Variants in CASTOR2 observed in about 807,000 individuals in gnomAD.
CASTOR2 encodes the protein GATS protein like 2.
CASTOR2 carries 8 observed loss-of-function variants against 31.2 expected under a neutral mutation model. That is an observed-to-expected ratio of 0.26 (90% CI 0.15 to 0.46). The LOEUF (loss-of-function observed/expected upper bound fraction) is 0.46, where lower values mean the gene tolerates loss of function less well. Among genes scored for constraint, CASTOR2 ranks in the 20% least tolerant of loss-of-function variants. The pLI is 0.99. For missense variants in CASTOR2, 216 were observed against 382.1 expected (o/e 0.57, Z 3.62); for synonymous variants, 162 against 158.7 (o/e 1.02, Z -0.16).
chr7:75,006,065 G>C (rs1215940229), intron 1 of CASTOR2, among the ~76,000 whole-genome samples: 4 of 152,230 alleles, frequency 2.6e-5, no homozygotes, highest in Non-Finnish European at 5.9e-5. Context: ...GGGAGGCGGA[G>C]GTTGCAGTGA....
At chr7:74,979,671 G>A (rs1216345113) in intron 1 of CASTOR2, among the ~76,000 whole-genome samples, 4 of 24,344 alleles carry the variant, frequency 1.6e-4, no homozygotes, top group Non-Finnish European at 3.0e-4. Context: ...GAGATCATAC[G>A]CGTGAGCCGC....
At chr7:74,985,184 G>T (rs1484639950) in intron 1 of CASTOR2, among the ~76,000 whole-genome samples, 1 of 151,964 alleles carries the variant, frequency 6.6e-6, no homozygotes, top group Non-Finnish European at 1.5e-5. Flanking sequence ...CTCTATGCAG[G>T]GTGGGCCAGT....
chr7:74,983,775 C>T (rs1320181193), intron 1 of CASTOR2, among the ~76,000 whole-genome samples: 4 of 150,076 alleles, frequency 2.7e-5, no homozygotes, highest in Non-Finnish European at 5.9e-5. Flanking sequence ...TATTCCCAGG[C>T]AGGTCACCCT....
chr7:75,003,042 C>T (rs1481621005), intron 1 of CASTOR2, among the ~76,000 whole-genome samples: 18 of 152,060 alleles, frequency 1.2e-4, no homozygotes, highest in African/African-American at 3.6e-4. Context: ...GCCAACTGCC[C>T]GGCAATAGGG....
chr7:75,004,229 C>T (rs1804560327), intron 1 of CASTOR2, among the ~76,000 whole-genome samples: 1 of 152,142 alleles, frequency 6.6e-6, no homozygotes, highest in South Asian at 2.1e-4. Context: ...CAGTGATTGC[C>T]ACTTACTGTG....
intron 1 of CASTOR2, among the ~76,000 whole-genome samples, chr7:74,979,244 A>G (rs1313883710): frequency 6.9e-6 from 1 of 144,908 alleles, no homozygotes; most frequent in Non-Finnish European, 1.5e-5. Flanking sequence ...TGTTTGTTAC[A>G]TGGATATATG....
At chr7:75,010,115 G>A (rs1269887242) in intron 2 of CASTOR2, among the ~76,000 whole-genome samples, 1 of 151,990 alleles carries the variant, frequency 6.6e-6, no homozygotes, top group Non-Finnish European at 1.5e-5. Context: ...TGGGTTAGAA[G>A]CAGCATGGGG....
intron 2 of CASTOR2, among the ~76,000 whole-genome samples, chr7:75,012,335 G>A (rs1488258772): frequency 3.4e-4 from 52 of 152,122 alleles, no homozygotes; most frequent in Non-Finnish European, 2.2e-4. Flanking sequence ...AGGTAGTCTC[G>A]CTCTGTCCCC....
chr7:75,008,174 C>G (rs1262456839), intron 2 of CASTOR2, 110 bp downstream of exon 2: 1 of 1,352,896 alleles, frequency 7.4e-7, no homozygotes, highest in Non-Finnish European at 1.1e-6. Flanking sequence ...CTGCCCCCAC[C>G]TACCTCCTTA....
intron 6 of CASTOR2, 102 bp downstream of exon 6, chr7:75,020,251 GT>G (rs1162825733): frequency 1.8e-4 from 208 of 1,150,176 alleles, no homozygotes; most frequent in South Asian, 2.7e-4. Flanking sequence ...ATTTGTTGTT[GT>G]TTTTTTTTGA....
rs1405457322 is a variant in CASTOR2 at position 75,027,695 on chromosome 7, G to A, written c.*2996G>A. On this transcript the variant is annotated 3_prime_UTR_variant, in exon 9 of 9. Transcript: ENST00000616305. Reference sequence around the variant, plus strand: ...GTCCCTGTTCAAGCCCGCTCCGTGGGAGCTGCCCCCTGGGGACCCTGCTCC... The same window carrying A: ...GTCCCTGTTCAAGCCCGCTCCGTGGAAGCTGCCCCCTGGGGACCCTGCTCC... 2.7e-6 allele frequency: 1 copy of A among 372,694 alleles called. No homozygotes were observed. Among genetic ancestry groups the A allele is most frequent in the African/African-American group, 2.2e-5 (1 of 46,454 alleles). The allele number at this position is 372,694 out of a possible 1,614,324, so 23.1% of individuals were successfully genotyped here. A position where few individuals can be genotyped will look rare whatever the true frequency, so the allele number is the denominator to read the frequency against.
At chr7:74,997,109 G>A (rs1188895843) in intron 1 of CASTOR2, among the ~76,000 whole-genome samples, 6 of 151,480 alleles carry the variant, frequency 4.0e-5, no homozygotes, top group Non-Finnish European at 7.4e-5. Flanking sequence ...GGAGTGCAGT[G>A]GTGCAATCAT....
In CASTOR2 at chr7:75,026,935, C is replaced by A. The variant is rs1461304666; in HGVS notation, c.*2236C>A. ...TCCTAGGACGTATCTATTGTACACA[C>A]CTATAAATACCTGTGTTTTATGTTG... On this transcript the variant is annotated 3_prime_UTR_variant, in exon 9 of 9. Coordinates refer to ENST00000616305, the MANE Select transcript of CASTOR2 (RefSeq NM_001145064.3). Among the ~76,000 whole-genome samples the A allele has an allele frequency of 6.6e-6, 1 of 152,146 alleles. No homozygotes were observed. Among genetic ancestry groups the A allele is most frequent in the Non-Finnish European group, 1.5e-5 (1 of 68,030 alleles).
intron 2 of CASTOR2, among the ~76,000 whole-genome samples, chr7:75,017,177 G>A (rs1451857961): frequency 2.1e-3 from 321 of 150,952 alleles, no homozygotes; most frequent in African/African-American, 7.4e-3. Flanking sequence ...GGCTGGGTGC[G>A]GTGGCTCACG....
At chr7:75,017,544 TG>T in intron 2 of CASTOR2, 53 bp from the exon 3 acceptor site, 1 of 1,594,546 alleles carries the variant, frequency 6.3e-7, no homozygotes, top group Non-Finnish European at 8.5e-7. Context: ...GCCCTGCCCT[TG>T]GGTCATCTGG....
rs1011467830 is a variant in CASTOR2 at position 75,022,082 on chromosome 7, G to A, written c.829+126G>A. 3.4e-6 allele frequency: 4 copies of A among 1,166,512 alleles called. No individual in the cohort carries two copies. In the African/African-American group the frequency reaches 4.6e-5, roughly 13 times the overall value. 72.3% of individuals were successfully genotyped at this position (1,166,512 alleles called of 1,614,324 possible). ...AGATGGGGAGACTGAGGCTTGGGGA[G>A]CCTGAAATTTCTGTTGCTCACTGGT... On this transcript the variant is annotated intron_variant, in intron 7 of 8. Transcript: ENST00000616305.
chr7:74,991,050 G>T, intron 1 of CASTOR2, among the ~76,000 whole-genome samples: 1 of 148,914 alleles, frequency 6.7e-6, no homozygotes, highest in East Asian at 2.0e-4. Flanking sequence ...CTCCAGCCTG[G>T]GTGACAGAGC....
intron 1 of CASTOR2, among the ~76,000 whole-genome samples, chr7:74,973,044 C>T (rs587736751): frequency 1.3e-5 from 2 of 149,416 alleles, no homozygotes; most frequent in African/African-American, 2.5e-5. Flanking sequence ...ATGCAGAGCC[C>T]TCATTCCTCG....
chr7:75,018,687 G>A (rs1804923173), intron 4 of CASTOR2, among the ~76,000 whole-genome samples: 1 of 152,272 alleles, frequency 6.6e-6, no homozygotes, highest in Non-Finnish European at 1.5e-5. Flanking sequence ...GGCAGGGACT[G>A]TGGTGCTGAA....
Sources: gnomAD v4.1 joint callset for allele counts (sites outside exome capture counted in the v4.1 genomes callset) on GRCh38, gnomAD v4.1.1 for gene constraint, MANE v1.5 for transcripts, NCBI Gene and HGNC (gene_info 2026-07-23, HGNC 2026-07-21) for gene names.